SYNRG: variants seen among roughly 807,000 people sequenced by gnomAD.
SYNRG encodes AP1 gamma subunit binding protein 1.
A neutral mutation model predicts 130.9 loss-of-function variants in SYNRG; 37 were observed. That is an observed-to-expected ratio of 0.28 (90% confidence interval 0.22 to 0.37). The LOEUF (loss-of-function observed/expected upper bound fraction) is 0.37, where lower values mean the gene tolerates loss of function less well. Ranked by LOEUF, SYNRG falls within the 10% of genes least tolerant of loss-of-function variation. The pLI is 1.00. For synonymous variants in SYNRG, 539 were observed against 568.1 expected (o/e 0.95, Z 0.73); for missense variants, 1,338 against 1,588.9 (o/e 0.84, Z 2.68).
chr17:37,529,863 G>GT (rs2056429177), intron 19 of SYNRG: 2 of 1,551,206 alleles, frequency 1.3e-6, no homozygotes, highest in Admixed American at 2.0e-5. Flanking sequence ...TAGGAGAGAA[G>GT]AGATGGGTGG....
At chr17:37,577,695 CTTTTTTTT>C (rs34008016) in intron 6 of SYNRG, 82 bp from the exon 7 acceptor site, 2 of 584,060 alleles carry the variant, frequency 3.4e-6, no homozygotes, top group South Asian at 2.3e-5. Flanking sequence ...CCCCCATATT[CTTTTTTTT>C]TTTTTTTTTT....
rs1372533024 is a variant in SYNRG, at chr17:37,518,256, G to C, written c.*684C>G. ...ATATTATCCTAATACACAGGATTTG[G>C]GCCTCTGTCAAAATGAGCATTCTTC... On this transcript the variant is annotated 3_prime_UTR_variant, in exon 22 of 22. Transcript: ENST00000612223. 1 of 152,158 alleles carries C rather than the reference G, an allele frequency of 6.6e-6. No homozygotes were observed. The highest frequency in any genetic ancestry group is 1.5e-5 in the Non-Finnish European group (1 of 68,058). The allele number at this position is 152,158 out of a possible 1,614,324, so 9.4% of individuals were successfully genotyped here.
At chr17:37,595,494 A>G (rs1473409986) in intron 3 of SYNRG, among the ~76,000 whole-genome samples, 3 of 152,196 alleles carry the variant, frequency 2.0e-5, no homozygotes, top group Non-Finnish European at 4.4e-5. Flanking sequence ...GGAGACTACA[A>G]GACGGGAGAA....
chr17:37,552,546 C>T (rs984427229), intron 14 of SYNRG, among the ~76,000 whole-genome samples: 1 of 152,164 alleles, frequency 6.6e-6, no homozygotes, highest in Non-Finnish European at 1.5e-5. Flanking sequence ...ACACCCTCCT[C>T]TTTGCCAGGC....
intron 19 of SYNRG, among the ~76,000 whole-genome samples, chr17:37,525,483 C>T (rs1025739721): frequency 4.6e-5 from 7 of 152,186 alleles, no homozygotes; most frequent in African/African-American, 1.7e-4. Context: ...CCTTCCCTGC[C>T]CCTTTTTCAA....
In SYNRG at chr17:37,568,935, A is replaced by T. The variant is rs370688729; in HGVS notation, c.1348-11T>A. On this transcript the variant is annotated splice_polypyrimidine_tract_variant and intron_variant, in intron 10 of 21. Transcript: ENST00000612223. ...TTCTGGCTTTACTACCTAGGTTTAT[A>T]AAGGTCATTTAAATAAATAGCACTG... The T allele has an allele frequency of 2.7e-5, 44 of 1,607,128 alleles. No homozygotes were observed. The highest frequency in any genetic ancestry group is 3.6e-5 in the Non-Finnish European group (42 of 1,177,546).
Position 37,544,566 on chromosome 17 carries a change from C to T in SYNRG, c.2609-2001G>A, listed in dbSNP as rs760240651. Among the ~76,000 whole-genome samples the T allele has an allele frequency of 6.6e-5, 10 of 152,148 alleles. No homozygotes were observed. The South Asian group carries it at 8.3e-4, about 13-fold the overall frequency. ...CTGACTTCAGGTGATCCGCCCGTCT[C>T]GGCCTCCCAAAGTGCTGGAATTACA... On this transcript the variant is annotated intron_variant, in intron 14 of 21. Coordinates refer to ENST00000612223, the MANE Select transcript of SYNRG (RefSeq NM_007247.6).
chr17:37,558,658 T>C (rs2145569737), intron 13 of SYNRG, among the ~76,000 whole-genome samples: 1 of 152,338 alleles, frequency 6.6e-6, no homozygotes, highest in Middle Eastern at 3.4e-3. Context: ...ATAGCCAATC[T>C]TGAAAATCTT....
chr17:37,597,426 A>G lies in SYNRG; in HGVS notation c.119-1082T>C, dbSNP rs142753629. ...TACACAACAGCAGATAACTAACAAAATAACAGTTAGGAGCATGAACTCTGG... is the reference window on the plus strand; with the variant it reads ...TACACAACAGCAGATAACTAACAAAGTAACAGTTAGGAGCATGAACTCTGG... On this transcript the variant is annotated intron_variant, in intron 2 of 21. Coordinates refer to ENST00000612223, the MANE Select transcript of SYNRG (RefSeq NM_007247.6). Among the ~76,000 whole-genome samples the G allele has an allele frequency of 3.1e-4, 47 of 152,368 alleles. No individual in the cohort carries two copies. In the East Asian group the frequency reaches 6.2e-3, roughly 20 times the overall value.
intron 1 of SYNRG, among the ~76,000 whole-genome samples, chr17:37,604,506 T>C (rs2063573666): frequency 6.6e-6 from 1 of 152,230 alleles, no homozygotes; most frequent in South Asian, 2.1e-4. Context: ...AAATTAGGCT[T>C]TGGCTTAAGG....
chr17:37,518,730 C>A lies in SYNRG; in HGVS notation c.*210G>T, dbSNP rs1416812351. 3 of 516,958 alleles carry A rather than the reference C, an allele frequency of 5.8e-6. No homozygotes were observed. Among genetic ancestry groups the A allele is most frequent in the East Asian group, 3.0e-5 (1 of 32,894 alleles). The allele number at this position is 516,958 out of a possible 1,614,324, so 32.0% of individuals were successfully genotyped here. ...TCTTAAGTAGAGATAAGTGAGCAAG[C>A]TTCTGGTGCCACGTGCAGTTTGGGT... On this transcript the variant is annotated 3_prime_UTR_variant, in exon 22 of 22. Coordinates refer to ENST00000612223, the MANE Select transcript of SYNRG (RefSeq NM_007247.6).
chr17:37,570,143 C>CTTTTT (rs11320959), intron 10 of SYNRG, among the ~76,000 whole-genome samples: 3 of 113,796 alleles, frequency 2.6e-5, no homozygotes, highest in Non-Finnish European at 3.6e-5. Context: ...CATGCTGAGG[C>CTTTTT]TTTTTTTTTT....
intron 15 of SYNRG, chr17:37,540,916 G>C: frequency 8.0e-6 from 8 of 1,002,368 alleles, no homozygotes; most frequent in Non-Finnish European, 9.5e-6. Context: ...TTACAGGTGT[G>C]AGCCACCGCG....
At chr17:37,582,445 A>G (rs1466745456) in intron 6 of SYNRG, among the ~76,000 whole-genome samples, 2 of 152,240 alleles carry the variant, frequency 1.3e-5, no homozygotes, top group South Asian at 2.1e-4. Context: ...TCCTTGGGAT[A>G]TACTGTAAAG....
intron 21 of SYNRG, 103 bp downstream of exon 21, chr17:37,520,076 T>A: frequency 7.7e-7 from 1 of 1,292,252 alleles, no homozygotes; most frequent in Non-Finnish European, 1.1e-6. Flanking sequence ...GAAGGATTCA[T>A]GATTGGAACA....
chr17:37,542,167 T>G lies in SYNRG; in HGVS notation c.3007A>C (p.Thr1003Pro). The change falls in exon 15 of 22, where the codon ACG becomes CCG. Residue 1003 changes from threonine (T) to proline (P), a missense_variant. Physicochemically the swap from Thr to Pro is conservative, Grantham distance 38. Coordinates refer to ENST00000612223, the MANE Select transcript of SYNRG (RefSeq NM_007247.6). Reference protein sequence around the residue: ...LPTAERSQEATCPSPASSGAS... With the variant: ...LPTAERSQEAPCPSPASSGAS... ...CCACTGGACGCTGGGCTGGGACACG[T>G]GGCCTCCTGGCTCCGTTCAGCCGTA... 1 of 1,614,230 alleles carries G rather than the reference T, an allele frequency of 6.2e-7. No individual in the cohort carries two copies. Among genetic ancestry groups the G allele is most frequent in the Non-Finnish European group, 8.5e-7 (1 of 1,180,030 alleles).
intron 19 of SYNRG, among the ~76,000 whole-genome samples, chr17:37,533,255 G>C (rs1568288543): frequency 6.6e-6 from 1 of 152,126 alleles, no homozygotes; most frequent in Non-Finnish European, 1.5e-5. Flanking sequence ...ATAAAAATTA[G>C]CTGGGCGTGG....
chr17:37,515,187 T>TC lies in SYNRG; in HGVS notation c.*3752dup, dbSNP rs2054332225. 1 of 152,172 alleles carries TC rather than the reference T, an allele frequency of 6.6e-6. No homozygotes were observed. The highest frequency in any genetic ancestry group is 1.5e-5 in the Non-Finnish European group (1 of 68,034). 9.4% of individuals were successfully genotyped at this position (152,172 alleles called of 1,614,324 possible). On this transcript the variant is annotated 3_prime_UTR_variant, in exon 22 of 22. Coordinates refer to ENST00000612223, the MANE Select transcript of SYNRG (RefSeq NM_007247.6). ...AAAAGTATTTGTAAAGTGGCATTTTTCCCCCAAGAGCTGTTTCACTTAAGC... is the reference window on the plus strand; with the variant it reads ...AAAAGTATTTGTAAAGTGGCATTTTTCCCCCCAAGAGCTGTTTCACTTAAGC...
At chr17:37,594,045 C>G (rs929472062) in intron 3 of SYNRG, among the ~76,000 whole-genome samples, 64 of 151,668 alleles carry the variant, frequency 4.2e-4, no homozygotes, top group Non-Finnish European at 6.6e-4. Context: ...TCATAGTTTA[C>G]TTTTTTCTTA....
Sources: allele counts gnomAD v4.1 joint callset (sites outside exome capture counted in the v4.1 genomes callset), GRCh38; gene constraint gnomAD v4.1.1; transcripts MANE v1.5; gene names NCBI Gene and HGNC (gene_info 2026-07-23, HGNC 2026-07-21).